CPVL: variants seen among roughly 807,000 people sequenced by gnomAD.
The protein encoded by CPVL is carboxypeptidase vitellogenic like, also known as probable serine carboxypeptidase CPVL.
In CPVL, 51 loss-of-function variants were observed where a neutral mutation model predicts 63.7. The ratio of observed to expected loss-of-function variants is 0.80; its 90% CI spans 0.64 to 1.01. The LOEUF (loss-of-function observed/expected upper bound fraction) is 1.01. Among genes scored for constraint, CPVL ranks in the 50% least tolerant of loss-of-function variants. CPVL has a pLI of 0.00. For synonymous variants in CPVL, 195 were observed against 206.0 expected, an observed-to-expected ratio of 0.95 and a Z score of 0.46; for missense variants, 530 against 573.1, an observed-to-expected ratio of 0.92 and a Z score of 0.77.
intron 10 of CPVL, among the ~76,000 whole-genome samples, chr7:29,064,643 G>A (rs1010820197): frequency 3.9e-5 from 6 of 152,156 alleles, no homozygotes; most frequent in African/African-American, 9.7e-5. Context: ...GGCCAGGTTG[G>A]TGGTGTGCTG....
At position 29,002,012 on chromosome 7, in the gene CPVL, C is replaced by T. The variant is rs1052218977; in HGVS notation, c.1321-6130G>A. Among the ~76,000 whole-genome samples, 4 of 152,126 alleles carry T rather than the reference C, an allele frequency of 2.6e-5. No individual in the cohort carries two copies. The South Asian group carries it at 8.3e-4, about 32-fold the overall frequency. ...ACCAAGCCTTGAGAGAGGCCATGATCGTAGAGAAAAGGGAATCACAAGGAA... is the reference window on the plus strand; with the variant it reads ...ACCAAGCCTTGAGAGAGGCCATGATTGTAGAGAAAAGGGAATCACAAGGAA... On this transcript the variant is annotated intron_variant, in intron 12 of 12. Coordinates refer to ENST00000265394, the MANE Select transcript of CPVL (RefSeq NM_031311.5).
chr7:29,104,796 G>C (rs1787558949), intron 3 of CPVL, among the ~76,000 whole-genome samples: 1 of 152,192 alleles, frequency 6.6e-6, no homozygotes, highest in African/African-American at 2.4e-5. Context: ...GGCGGATGCA[G>C]GGAGGTGTGG....
intron 5 of CPVL, among the ~76,000 whole-genome samples, chr7:29,167,743 T>C (rs1297891272): frequency 6.6e-6 from 1 of 152,222 alleles, no homozygotes; most frequent in Non-Finnish European, 1.5e-5. Context: ...AGTCATTTGT[T>C]TTCCCTAAAC....
At chr7:29,121,350 G>C (rs1789352616) in intron 1 of CPVL, among the ~76,000 whole-genome samples, 1 of 151,716 alleles carries the variant, frequency 6.6e-6, no homozygotes, top group Non-Finnish European at 1.5e-5. Flanking sequence ...GCTCAAGCTA[G>C]AGTACAGTAG....
chr7:29,195,061 G>C, intron 1 of CPVL: 1 of 1,491,960 alleles, frequency 6.7e-7, no homozygotes, highest in Non-Finnish European at 9.1e-7. Flanking sequence ...CGCAGCCTGG[G>C]ATGGACAGAG....
intron 3 of CPVL, among the ~76,000 whole-genome samples, chr7:29,103,472 C>T (rs183194186): frequency 2.8e-5 from 4 of 144,422 alleles, no homozygotes; most frequent in Non-Finnish European, 6.0e-5. Context: ...TGAGGCTGGT[C>T]TCGAACTCTT....
chr7:29,061,943 C>CA (rs558152536), intron 11 of CPVL, among the ~76,000 whole-genome samples: 19,357 of 103,960 alleles, frequency 0.19, 4,118 homozygotes, highest in African/African-American at 0.52. Flanking sequence ...AACTCTATCT[C>CA]AAAAAAAAAA....
intron 1 of CPVL, among the ~76,000 whole-genome samples, chr7:29,131,298 C>G (rs1219716310): frequency 2.6e-5 from 4 of 152,054 alleles, no homozygotes; most frequent in Admixed American, 2.6e-4. Context: ...AGATTGGGAA[C>G]AATGAATGAG....
intron 12 of CPVL, among the ~76,000 whole-genome samples, chr7:28,998,419 G>A (rs937245102): frequency 1.3e-5 from 2 of 152,138 alleles, no homozygotes; most frequent in African/African-American, 4.8e-5. Context: ...AGAAGTCAGA[G>A]TGCAGGAGCA....
At chr7:29,165,050 C>T (rs115111407) in intron 5 of CPVL, among the ~76,000 whole-genome samples, 4,547 of 151,998 alleles carry the variant, frequency 0.03, 250 homozygotes, top group African/African-American at 0.1. Context: ...TTTTGAACTT[C>T]CATATAAATT....
chr7:29,170,655 A>G (rs1489508396), intron 5 of CPVL, among the ~76,000 whole-genome samples: 7 of 152,224 alleles, frequency 4.6e-5, no homozygotes, highest in Non-Finnish European at 1.0e-4. Context: ...TTTCTGTAAT[A>G]TCTAATCTCA....
intron 11 of CPVL, among the ~76,000 whole-genome samples, chr7:29,057,681 G>C (rs1790878453): frequency 6.6e-6 from 1 of 152,136 alleles, no homozygotes; most frequent in Admixed American, 6.5e-5. Flanking sequence ...TGTGAGGGGT[G>C]TAAGATCTGT....
chr7:29,158,638 T>C (rs1322739155), intron 5 of CPVL, among the ~76,000 whole-genome samples: 1 of 151,670 alleles, frequency 6.6e-6, no homozygotes, highest in Non-Finnish European at 1.5e-5. Flanking sequence ...AATAGGTGAA[T>C]TATGCATTTC....
intron 5 of CPVL, among the ~76,000 whole-genome samples, chr7:29,180,623 T>C (rs759598378): frequency 8.6e-5 from 13 of 151,974 alleles, no homozygotes; most frequent in Non-Finnish European, 1.6e-4. Flanking sequence ...GATGAGCCAA[T>C]AAAAATACCT....
At chr7:29,127,811 T>C (rs560041248) in intron 1 of CPVL, among the ~76,000 whole-genome samples, 46 of 152,106 alleles carry the variant, frequency 3.0e-4, no homozygotes, top group Non-Finnish European at 6.0e-4. Context: ...CCTCGCTGAG[T>C]TCCCCAGATT....
At chr7:29,030,503 A>T in intron 12 of CPVL, 74 bp downstream of exon 12, 1 of 1,431,096 alleles carries the variant, frequency 7.0e-7, no homozygotes, top group Non-Finnish European at 9.6e-7. Flanking sequence ...GCCATGTCTC[A>T]TTGCTATTCA....
chr7:29,027,377 G>A (rs1222816084), intron 12 of CPVL, among the ~76,000 whole-genome samples: 1 of 152,066 alleles, frequency 6.6e-6, no homozygotes, highest in Non-Finnish European at 1.5e-5. Context: ...TCATCATACT[G>A]AATAGGGAAA....
intron 6 of CPVL, among the ~76,000 whole-genome samples, chr7:29,091,816 A>T (rs1299160117): frequency 1.3e-5 from 2 of 152,192 alleles, no homozygotes; most frequent in African/African-American, 4.8e-5. Flanking sequence ...AGAAAAGTAA[A>T]ACGGAAAGCT....
intron 6 of CPVL, among the ~76,000 whole-genome samples, chr7:29,087,355 C>G (rs945570625): frequency 1.1e-4 from 16 of 144,650 alleles, no homozygotes; most frequent in African/African-American, 3.7e-4. Context: ...ACCAGGGAGG[C>G]TGAGGTTGCA....
Sources: allele counts gnomAD v4.1 joint callset (sites outside exome capture counted in the v4.1 genomes callset), GRCh38; gene constraint gnomAD v4.1.1; transcripts MANE v1.5; gene names NCBI Gene and HGNC (gene_info 2026-07-23, HGNC 2026-07-21).